RBM26: variants seen among roughly 807,000 people sequenced by gnomAD.
RBM26 encodes RNA binding motif protein 26.
RBM26 carries 30 observed loss-of-function variants against 123.6 expected under a neutral mutation model. The observed-to-expected ratio is 0.24, with a 90% CI of 0.18 to 0.33. The LOEUF is 0.33. Ranked by LOEUF, RBM26 falls within the 10% of genes least tolerant of loss-of-function variation. The pLI is 1.00. For synonymous variants in RBM26, 400 were observed against 404.4 expected (o/e 0.99, Z 0.13); for missense variants, 947 against 1,203.6 (o/e 0.79, Z 3.15).
At chr13:79,338,537 G>A (rs577288153) in intron 18 of RBM26, among the ~76,000 whole-genome samples, 1 of 152,314 alleles carries the variant, frequency 6.6e-6, no homozygotes, top group East Asian at 1.9e-4. Context: ...ATAATCCAGT[G>A]TAGCTGGATG....
Position 79,319,699 on chromosome 13 carries a change from T to C in RBM26, c.*922A>G, listed in dbSNP as rs564681326. ...GGTTCCAAACTAATCAGCCTGCTTT[T>C]AAATTTTAAGACATTTGTTGAAAAT... On this transcript the variant is annotated 3_prime_UTR_variant, in exon 22 of 22. Coordinates refer to ENST00000438737, the MANE Select transcript of RBM26 (RefSeq NM_001366735.2). 3.0e-6 allele frequency: 3 copies of C among 983,848 alleles called. No homozygotes were observed. Among genetic ancestry groups the C allele is most frequent in the Non-Finnish European group, 3.6e-6 (3 of 828,710 alleles). The allele number at this position is 983,848 out of a possible 1,614,324, so 60.9% of individuals were successfully genotyped here.
At chr13:79,336,635 CTT>C (rs1009110224) in intron 19 of RBM26, among the ~76,000 whole-genome samples, 1 of 152,144 alleles carries the variant, frequency 6.6e-6, no homozygotes, top group Non-Finnish European at 1.5e-5. Context: ...TATACAAAGT[CTT>C]TTTCATTACA....
intron 20 of RBM26, among the ~76,000 whole-genome samples, chr13:79,333,397 T>C (rs1290808709): frequency 6.6e-6 from 1 of 152,178 alleles, no homozygotes; most frequent in Non-Finnish European, 1.5e-5. Context: ...GTCTTATGGT[T>C]ACAATGCCCC....
Position 79,320,039 on chromosome 13 carries a change from G to A in RBM26, c.*582C>T. 1.1e-6 allele frequency: 1 copy of A among 946,416 alleles called. No homozygotes were observed. Among genetic ancestry groups the A allele is most frequent in the Non-Finnish European group, 1.2e-6 (1 of 816,686 alleles). The allele number at this position is 946,416 out of a possible 1,614,324, so 58.6% of individuals were successfully genotyped here. On this transcript the variant is annotated 3_prime_UTR_variant, in exon 22 of 22. Coordinates refer to ENST00000438737, the MANE Select transcript of RBM26 (RefSeq NM_001366735.2). ...ACCATTCCACTTTATTATAACATCT[G>A]GATGCATAAGGACTCATGTAAAGCA...
At chr13:79,362,944 C>T (rs1387089778) in intron 9 of RBM26, among the ~76,000 whole-genome samples, 2 of 152,038 alleles carry the variant, frequency 1.3e-5, no homozygotes, top group Non-Finnish European at 2.9e-5. Flanking sequence ...ATGTATTTTT[C>T]CCCAATAATC....
At position 79,371,843 on chromosome 13, in the gene RBM26, T is replaced by C; in HGVS notation, c.415A>G (p.Arg139Gly). 6.3e-7 allele frequency: 1 copy of C among 1,595,370 alleles called. No homozygotes were observed. The highest frequency in any genetic ancestry group is 8.6e-7 in the Non-Finnish European group (1 of 1,163,116). ...PQSSSRYREN[R>G]SRDERKKDDR... is the part of the protein sequence containing the mutation. The stretch of plus-strand genomic sequence containing the variant: ...AGTATGGTTCAATGAACTGCTCACC[T>C]ATTTTCCCTGTATCGGGAGCTTGAC... The change falls in exon 4 of 22, where the codon AGA becomes GGA. Residue 139 changes from arginine (R) to glycine (G), a missense_variant and splice_region_variant. By Grantham distance (125) the Arg-to-Gly change is moderately radical. Transcript: ENST00000438737.
chr13:79,373,468 G>A (rs372564693), intron 3 of RBM26, among the ~76,000 whole-genome samples: 322 of 1,018 alleles, frequency 0.32, 17 homozygotes, highest in African/African-American at 0.43. Flanking sequence ...TATATAATAT[G>A]TATAAATATA....
chr13:79,316,140 C>T (rs917338667), downstream of RBM26, among the ~76,000 whole-genome samples: 2 of 150,468 alleles, frequency 1.3e-5, no homozygotes, highest in Non-Finnish European at 3.0e-5. Context: ...CAGAATTTCA[C>T]GCAGGAAATT....
rs767529125 is a variant in RBM26 at position 79,366,092 on chromosome 13, GTGA to G, written c.1236_1238del (p.His413del). On this transcript the variant is annotated inframe_deletion, in exon 8 of 22. Coordinates refer to ENST00000438737, the MANE Select transcript of RBM26 (RefSeq NM_001366735.2). ...GAGAGGGTGGAGCAGGAGGAGGCTG[GTGA>G]TGAATGCCAGTTGTTACTACAGTAG... The G allele has an allele frequency of 3.1e-6, 5 of 1,614,050 alleles. No individual in the cohort carries two copies. In the Admixed American group the frequency reaches 8.3e-5, roughly 27 times the overall value.
chr13:79,359,022 ATG>A (rs1187519174), intron 10 of RBM26, among the ~76,000 whole-genome samples: 1 of 152,212 alleles, frequency 6.6e-6, no homozygotes, highest in African/African-American at 2.4e-5. Flanking sequence ...TATTAAGTAG[ATG>A]TTAAAGCTCT....
At chr13:79,388,666 T>A (rs539477165) in intron 1 of RBM26, among the ~76,000 whole-genome samples, 3 of 152,318 alleles carry the variant, frequency 2.0e-5, no homozygotes, top group East Asian at 1.9e-4. Context: ...AAACTTAACA[T>A]GATTCAATTT....
At chr13:79,376,128 A>T (rs1315299892) in intron 3 of RBM26, 1 of 152,132 alleles carries the variant, frequency 6.6e-6, no homozygotes, top group Non-Finnish European at 1.5e-5. Flanking sequence ...GATATGTGTG[A>T]CCTAAAGCTA....
chr13:79,345,226 ACCCT>A (rs933341433), intron 14 of RBM26, among the ~76,000 whole-genome samples: 1 of 151,910 alleles, frequency 6.6e-6, no homozygotes, highest in Non-Finnish European at 1.5e-5. Flanking sequence ...ACTGAAACAT[ACCCT>A]ATTGCATTCA....
intron 5 of RBM26, among the ~76,000 whole-genome samples, chr13:79,370,181 T>C (rs1226049016): frequency 1.3e-5 from 2 of 152,190 alleles, no homozygotes; most frequent in East Asian, 3.9e-4. Context: ...CCGAGCATGG[T>C]GGCACTTGCC....
intron 9 of RBM26, among the ~76,000 whole-genome samples, chr13:79,361,311 G>T (rs1276304073): frequency 6.6e-6 from 1 of 151,796 alleles, no homozygotes; most frequent in Admixed American, 6.6e-5. Context: ...CCTTTCCCAG[G>T]ACACTGATAC....
chr13:79,386,883 C>A (rs1223829442), intron 1 of RBM26, among the ~76,000 whole-genome samples: 1 of 152,032 alleles, frequency 6.6e-6, no homozygotes, highest in African/African-American at 2.4e-5. Context: ...AGCACTAAAA[C>A]TAGAAATACA....
intron 8 of RBM26, 101 bp downstream of exon 8, chr13:79,365,954 T>A: frequency 8.5e-7 from 1 of 1,177,102 alleles, no homozygotes; most frequent in Non-Finnish European, 1.2e-6. Context: ...ATAATTTTAG[T>A]GAGAAAAGTA....
intron 19 of RBM26, among the ~76,000 whole-genome samples, chr13:79,335,699 T>C (rs1221390071): frequency 6.6e-6 from 1 of 152,102 alleles, no homozygotes; most frequent in African/African-American, 2.4e-5. Flanking sequence ...GAATTTTCAT[T>C]TAGAGGCTCT....
intron 17 of RBM26, 117 bp from the exon 18 acceptor site, chr13:79,341,344 A>G (rs1338509398): frequency 1.7e-6 from 1 of 603,842 alleles, no homozygotes; most frequent in Non-Finnish European, 2.8e-6. Context: ...TATCTCCAGT[A>G]TAATCACTCT....
Sources: allele counts gnomAD v4.1 joint callset (sites outside exome capture counted in the v4.1 genomes callset), GRCh38; gene constraint gnomAD v4.1.1; transcripts MANE v1.5; gene names NCBI Gene and HGNC (gene_info 2026-07-23, HGNC 2026-07-21).